Variants in ZNF385D observed in about 807,000 individuals in gnomAD.
ZNF385D encodes the protein zinc finger protein 385D, also known as zinc finger protein 659.
A neutral mutation model predicts 35.8 loss-of-function variants in ZNF385D; 15 were observed. The observed-to-expected ratio is 0.42, with a 90% CI of 0.28 to 0.64. ZNF385D has a LOEUF of 0.64. Among genes scored for constraint, ZNF385D ranks in the 30% least tolerant of loss-of-function variants. The pLI, the probability that ZNF385D is intolerant of heterozygous loss-of-function variation, is 0.23. For synonymous variants in ZNF385D, 212 were observed against 186.8 expected, an observed-to-expected ratio of 1.13 and a Z score of -1.10; for missense variants, 474 against 494.6, an observed-to-expected ratio of 0.96 and a Z score of 0.39.
chr3:21,785,301 A>G (rs1207901432), intron 3 of ZNF385D, among the ~76,000 whole-genome samples: 2 of 152,212 alleles, frequency 1.3e-5, no homozygotes, highest in Non-Finnish European at 2.9e-5. Context: ...ATGATTTCAT[A>G]TACATGCACA....
chr3:21,736,535 A>G (rs1482664392), intron 1 of ZNF385D, among the ~76,000 whole-genome samples: 1 of 152,336 alleles, frequency 6.6e-6, no homozygotes, highest in South Asian at 2.1e-4. Flanking sequence ...TCAAGGATCA[A>G]CCTTCTGGTT....
chr3:22,252,441 G>A (rs1007011017), intron 2 of ZNF385D, among the ~76,000 whole-genome samples: 4 of 152,072 alleles, frequency 2.6e-5, no homozygotes, highest in Non-Finnish European at 5.9e-5. Flanking sequence ...TTAAGATGAG[G>A]TGAGTATGTT....
At chr3:21,596,830 T>C (rs1207683248) in intron 2 of ZNF385D, among the ~76,000 whole-genome samples, 1 of 152,070 alleles carries the variant, frequency 6.6e-6, no homozygotes, top group South Asian at 2.1e-4. Context: ...GTGACTGCCA[T>C]ACCTATGTTT....
chr3:22,287,919 G>A (rs977453182), intron 2 of ZNF385D, among the ~76,000 whole-genome samples: 1 of 151,814 alleles, frequency 6.6e-6, no homozygotes, highest in African/African-American at 2.4e-5. Context: ...AATTTTGTTA[G>A]CACTTTTTGT....
At chr3:22,331,764 G>A (rs78848018) in intron 2 of ZNF385D, among the ~76,000 whole-genome samples, 17 of 152,076 alleles carry the variant, frequency 1.1e-4, no homozygotes, top group African/African-American at 1.7e-4. Flanking sequence ...TGATTCACCC[G>A]TTTGTTTTCA....
chr3:22,082,292 C>A lies in ZNF385D; in HGVS notation c.325+86525G>T, dbSNP rs575566571. Among the ~76,000 whole-genome samples the A allele has an allele frequency of 2.6e-5, 4 of 152,178 alleles. No homozygotes were observed. In the South Asian group the frequency reaches 6.2e-4, roughly 24 times the overall value. On this transcript the variant is annotated intron_variant, in intron 3 of 5. Coordinates refer to the ZNF385D transcript ENST00000494108. ...TGCAAGGGGTCAGGGAATTCCCTTT[C>A]CTAGCCAAGGGAAGCCATGACAGAC...
At chr3:22,143,787 A>C (rs989610838) in intron 3 of ZNF385D, among the ~76,000 whole-genome samples, 9 of 152,194 alleles carry the variant, frequency 5.9e-5, no homozygotes, top group African/African-American at 2.2e-4. Context: ...TTTCATTTGG[A>C]GTTTGAATTC....
At chr3:21,765,399 C>T (rs1238411929) in intron 3 of ZNF385D, among the ~76,000 whole-genome samples, 2 of 152,068 alleles carry the variant, frequency 1.3e-5, no homozygotes, top group African/African-American at 2.4e-5. Context: ...ATGAAATACA[C>T]AGGGCTTTCT....
At chr3:21,747,039 CTTTT>C (rs201989992) in intron 1 of ZNF385D, among the ~76,000 whole-genome samples, 3 of 136,218 alleles carry the variant, frequency 2.2e-5, no homozygotes, top group Non-Finnish European at 1.6e-5. Context: ...ACTAGATTTT[CTTTT>C]TTTTTTTTTT....
At chr3:22,045,072 T>C (rs1698903911) in intron 3 of ZNF385D, among the ~76,000 whole-genome samples, 1 of 152,120 alleles carries the variant, frequency 6.6e-6, no homozygotes, top group South Asian at 2.1e-4. Context: ...AACTTTACTG[T>C]ACTTGTTTAT....
At chr3:22,306,408 T>G (rs1193738680) in intron 2 of ZNF385D, among the ~76,000 whole-genome samples, 1 of 152,158 alleles carries the variant, frequency 6.6e-6, no homozygotes, top group East Asian at 1.9e-4. Context: ...AATGTCATAT[T>G]ATTAAGTTGA....
chr3:22,201,368 A>G (rs1289312271), intron 2 of ZNF385D, among the ~76,000 whole-genome samples: 2 of 152,116 alleles, frequency 1.3e-5, no homozygotes, highest in Admixed American at 6.6e-5. Context: ...GTAACCATAA[A>G]AAGTTTTTAC....
chr3:21,823,535 C>G (rs1559660245), intron 3 of ZNF385D, among the ~76,000 whole-genome samples: 1 of 152,168 alleles, frequency 6.6e-6, no homozygotes, highest in Non-Finnish European at 1.5e-5. Context: ...CTCTTTTCAT[C>G]AGACATTACA....
At chr3:21,856,262 A>AGTGCAGAC (rs1403827837) in intron 3 of ZNF385D, among the ~76,000 whole-genome samples, 1 of 150,988 alleles carries the variant, frequency 6.6e-6, no homozygotes, top group Admixed American at 6.6e-5. Context: ...CAACAACTAA[A>AGTGCAGAC]GTGCAGACAC....
At chr3:21,730,222 T>C (rs1425846797) in intron 1 of ZNF385D, among the ~76,000 whole-genome samples, 1 of 152,128 alleles carries the variant, frequency 6.6e-6, no homozygotes, top group Non-Finnish European at 1.5e-5. Context: ...CTCAGCACTA[T>C]ACCAGCGATG....
rs559924673 is a variant in ZNF385D at position 22,108,522 on chromosome 3, C to T, written c.325+60295G>A. Among the ~76,000 whole-genome samples, 205 of 152,118 alleles carry T rather than the reference C, an allele frequency of 1.3e-3. 1 individual carries two copies. The highest frequency in any genetic ancestry group is 4.5e-3 in the African/African-American group (188 of 41,508). On this transcript the variant is annotated intron_variant, in intron 3 of 5. Coordinates refer to the ZNF385D transcript ENST00000494108. ...CTTGGCCATTTCATGAAATGACTGG[C>T]AAATGAGTGCAATGCATGTGGAACT...
chr3:22,185,859 A>G (rs1372004330), intron 2 of ZNF385D, among the ~76,000 whole-genome samples: 2 of 152,220 alleles, frequency 1.3e-5, no homozygotes, highest in Non-Finnish European at 2.9e-5. Flanking sequence ...GTGCAGATAA[A>G]GGGATGTTAT....
chr3:21,510,815 C>CCAACGACGACGACGAGGA (rs1559360729), intron 4 of ZNF385D, 46 bp downstream of exon 4: 1 of 1,608,028 alleles, frequency 6.2e-7, no homozygotes, highest in East Asian at 2.2e-5. Context: ...GAGGGAATCC[C>CCAACGACGACGACGAGGA]CAACGACGAC....
At chr3:21,731,616 C>T (rs989707001) in intron 1 of ZNF385D, among the ~76,000 whole-genome samples, 2 of 152,162 alleles carry the variant, frequency 1.3e-5, no homozygotes, top group East Asian at 1.9e-4. Flanking sequence ...CAGTAACATA[C>T]AGAATAGTTT....
Sources: gnomAD v4.1 joint callset for allele counts (sites outside exome capture counted in the v4.1 genomes callset) on GRCh38, gnomAD v4.1.1 for gene constraint, MANE v1.5 for transcripts, NCBI Gene and HGNC (gene_info 2026-07-23, HGNC 2026-07-21) for gene names.